Variants in COL4A3 observed in about 807,000 individuals in gnomAD.
The protein encoded by COL4A3 is collagen type IV alpha 3 chain, also known as collagen alpha-3(IV) chain.
A neutral mutation model predicts 217.4 loss-of-function variants in COL4A3; 135 were observed. The ratio of observed to expected loss-of-function variants is 0.62; its 90% CI spans 0.54 to 0.72. The LOEUF (loss-of-function observed/expected upper bound fraction) is 0.72. COL4A3 is among the 30% of genes least tolerant of loss of function. COL4A3 has a pLI of 0.00. For missense variants in COL4A3, 1,868 were observed against 2,119.9 expected (o/e 0.88, Z 2.33); for synonymous variants, 690 against 736.3 (o/e 0.94, Z 1.02).
chr2:227,227,322 C>A (rs62277837), intron 1 of COL4A3, among the ~76,000 whole-genome samples: 4,736 of 152,222 alleles, frequency 0.031, 175 homozygotes, highest in Admixed American at 0.11. Flanking sequence ...ACAGGCCGGG[C>A]ACGCTGGCTC....
intron 1 of COL4A3, among the ~76,000 whole-genome samples, chr2:227,223,567 C>CGCCCG (rs1559841522): frequency 1.0e-5 from 1 of 96,660 alleles, no homozygotes; most frequent in Non-Finnish European, 2.6e-5. Context: ...GACGCCCCCC[C>CGCCCG]AACTCTACTA....
At chr2:227,249,230 A>ATATAT in intron 9 of COL4A3, among the ~76,000 whole-genome samples, 3 of 14,694 alleles carry the variant, frequency 2.0e-4, no homozygotes, top group East Asian at 5.3e-3. Context: ...ATATATATAT[A>ATATAT]TTTTTTTTTT....
intron 1 of COL4A3, among the ~76,000 whole-genome samples, chr2:227,204,383 T>G (rs906470873): frequency 2.0e-5 from 3 of 152,146 alleles, no homozygotes; most frequent in Non-Finnish European, 4.4e-5. Context: ...TCTTTCTCTA[T>G]CTTATGTTCT....
intron 43 of COL4A3, among the ~76,000 whole-genome samples, chr2:227,300,857 G>A (rs893616630): frequency 4.6e-5 from 7 of 152,164 alleles, no homozygotes; most frequent in East Asian, 1.9e-4. Context: ...CTTGAAAGAC[G>A]CATAGGAGTT....
chr2:227,201,529 A>T lies in COL4A3; in HGVS notation c.88-36439A>T, dbSNP rs1034370603. Among the ~76,000 whole-genome samples, 3 of 152,170 alleles carry T rather than the reference A, an allele frequency of 2.0e-5. 1 individual carries two copies. Among genetic ancestry groups the T allele is most frequent in the African/African-American group, 7.2e-5 (3 of 41,432 alleles). On this transcript the variant is annotated intron_variant, in intron 1 of 51. Coordinates refer to ENST00000396578, the MANE Select transcript of COL4A3 (RefSeq NM_000091.5). ...GTATCCGTTTCCAGTTGACGTTAGA[A>T]GAATAGTAGCAATGTATCCGTTTCC...
chr2:227,311,660 G>A (rs549250218), intron 51 of COL4A3, 126 bp from the exon 52 acceptor site: 6 of 869,172 alleles, frequency 6.9e-6, no homozygotes, highest in East Asian at 2.9e-5. Context: ...TTACAGGCGT[G>A]AGCCACCACG....
At chr2:227,265,483 A>G (rs1204775364) in intron 21 of COL4A3, 1 of 152,256 alleles carries the variant, frequency 6.6e-6, no homozygotes, top group African/African-American at 2.4e-5. Flanking sequence ...ACTGAACACA[A>G]TTAACCAGTT....
intron 37 of COL4A3, 115 bp from the exon 38 acceptor site, chr2:227,293,076 G>C: frequency 7.3e-7 from 1 of 1,366,638 alleles, no homozygotes; most frequent in Non-Finnish European, 1.0e-6. Context: ...GCAGATAGCA[G>C]ATACTAATAT....
At chr2:227,203,292 T>C (rs1315417605) in intron 1 of COL4A3, among the ~76,000 whole-genome samples, 1 of 84,774 alleles carries the variant, frequency 1.2e-5, no homozygotes, top group Non-Finnish European at 2.4e-5. Flanking sequence ...TATATACATA[T>C]ATGTGTATAT....
At chr2:227,305,200 C>G in intron 47 of COL4A3, 117 bp downstream of exon 47, 1 of 833,476 alleles carries the variant, frequency 1.2e-6, no homozygotes, top group East Asian at 2.7e-5. Context: ...TTGTTCAGAT[C>G]AGACCAAAGG....
At chr2:227,218,067 ACTATATATATAG>A (rs201684789) in intron 1 of COL4A3, among the ~76,000 whole-genome samples, 1,885 of 85,754 alleles carry the variant, frequency 0.022, 39 homozygotes, top group African/African-American at 0.059. Flanking sequence ...ATATAAAATA[ACTATATATATAG>A]CTATATATAT....
chr2:227,196,479 G>C (rs1001889808), intron 1 of COL4A3, among the ~76,000 whole-genome samples: 2 of 83,302 alleles, frequency 2.4e-5, no homozygotes, highest in Non-Finnish European at 5.3e-5. Flanking sequence ...CACCATGCCT[G>C]GCTAATTTTT....
At chr2:227,267,926 A>AC (rs2071008740) in intron 23 of COL4A3, among the ~76,000 whole-genome samples, 1 of 152,054 alleles carries the variant, frequency 6.6e-6, no homozygotes, top group South Asian at 2.1e-4. Flanking sequence ...GGCTGTCACC[A>AC]CCTCTGCTTT....
chr2:227,277,367 C>A, intron 27 of COL4A3, 82 bp from the exon 28 acceptor site: 1 of 867,580 alleles, frequency 1.2e-6, no homozygotes, highest in Non-Finnish European at 1.9e-6. Flanking sequence ...TAGGACGACA[C>A]AGAGAACTTA....
At chr2:227,192,130 G>A (rs571012604) in intron 1 of COL4A3, among the ~76,000 whole-genome samples, 76 of 152,194 alleles carry the variant, frequency 5.0e-4, no homozygotes, top group Non-Finnish European at 8.7e-4. Context: ...GAGTATAAAC[G>A]GTAATTATAC....
rs1394512686 is a variant in COL4A3, at chr2:227,203,269, GTATATA to G, written c.88-34697_88-34692del. Among the ~76,000 whole-genome samples, 4 of 19,236 alleles carry G rather than the reference GTATATA, an allele frequency of 2.1e-4. 2 individuals are homozygous for G. In the South Asian group the frequency reaches 6.0e-3, roughly 29 times the overall value. 12.6% of individuals were successfully genotyped at this position (19,236 alleles called of 152,430 possible). ...CATATATGTATATATACATATATGT[GTATATA>G]TGTGTATATATACATATATGTGTAT... On this transcript the variant is annotated intron_variant, in intron 1 of 51. Coordinates refer to ENST00000396578, the MANE Select transcript of COL4A3 (RefSeq NM_000091.5).
At chr2:227,238,891 A>C (rs996376210) in intron 2 of COL4A3, among the ~76,000 whole-genome samples, 1 of 152,172 alleles carries the variant, frequency 6.6e-6, no homozygotes, top group Non-Finnish European at 1.5e-5. Context: ...CCTTGCATTC[A>C]AGAAGCATTT....
intron 1 of COL4A3, among the ~76,000 whole-genome samples, chr2:227,220,430 G>A (rs781540850): frequency 1.3e-5 from 2 of 151,832 alleles, no homozygotes; most frequent in East Asian, 1.9e-4. Context: ...TGATCCACCC[G>A]CCTCGGCCTC....
In COL4A3 at chr2:227,312,237, T is replaced by A. The variant is rs1259677268; in HGVS notation, c.*367T>A. On this transcript the variant is annotated 3_prime_UTR_variant, in exon 52 of 52. Coordinates refer to ENST00000396578, the MANE Select transcript of COL4A3 (RefSeq NM_000091.5). ...TCCCACATTTGTCTTCTTTCTGTCT[T>A]TAAGACTCAGGGAGGCTAAATCAGT... 2.1e-5 allele frequency: 6 copies of A among 285,836 alleles called. No individual in the cohort carries two copies. Among genetic ancestry groups the A allele is most frequent in the Admixed American group, 4.9e-5 (1 of 20,240 alleles). The allele number at this position is 285,836 out of a possible 1,614,324, so 17.7% of individuals were successfully genotyped here.
Sources: gnomAD v4.1 joint callset for allele counts (sites outside exome capture counted in the v4.1 genomes callset) on GRCh38, gnomAD v4.1.1 for gene constraint, MANE v1.5 for transcripts, NCBI Gene and HGNC (gene_info 2026-07-23, HGNC 2026-07-21) for gene names.